Variants in NELL1 observed in about 807,000 individuals in gnomAD.
NELL1 encodes the protein protein kinase C-binding protein NELL1.
A neutral mutation model predicts 107.4 loss-of-function variants in NELL1; 76 were observed. The observed-to-expected ratio is 0.71, with a 90% CI of 0.59 to 0.86. The LOEUF is 0.86. NELL1 is among the 40% of genes least tolerant of loss of function. The probability of loss-of-function intolerance (pLI) is 0.00; values close to 1 mark genes in which losing one functional copy is unlikely to be tolerated. For missense variants in NELL1, 1,024 were observed against 1,005.5 expected, an observed-to-expected ratio of 1.02 and a Z score of -0.25; for synonymous variants, 353 against 341.2, an observed-to-expected ratio of 1.03 and a Z score of -0.38.
chr11:21,521,286 A>G (rs935947748), intron 15 of NELL1, among the ~76,000 whole-genome samples: 3 of 152,110 alleles, frequency 2.0e-5, no homozygotes, highest in East Asian at 1.9e-4. Context: ...ATTTCCAAAT[A>G]TTTGTACCTT....
intron 14 of NELL1, among the ~76,000 whole-genome samples, chr11:21,234,030 G>A (rs369081344): frequency 3.9e-5 from 6 of 152,264 alleles, no homozygotes; most frequent in East Asian, 3.9e-4. Flanking sequence ...CCAACCCAAC[G>A]GAACATTTAC....
At chr11:21,078,111 A>G (rs1854184471) in intron 12 of NELL1, among the ~76,000 whole-genome samples, 1 of 152,114 alleles carries the variant, frequency 6.6e-6, no homozygotes, top group African/African-American at 2.4e-5. Flanking sequence ...ATAGAGGAGG[A>G]TAAAAGAATG....
At chr11:21,054,587 C>T (rs973404769) in intron 12 of NELL1, among the ~76,000 whole-genome samples, 37 of 152,002 alleles carry the variant, frequency 2.4e-4, no homozygotes, top group African/African-American at 8.0e-4. Context: ...TTAGCCCTAC[C>T]GGATTGTCTT....
intron 13 of NELL1, among the ~76,000 whole-genome samples, chr11:21,134,430 G>A (rs1283073779): frequency 1.3e-5 from 2 of 152,106 alleles, no homozygotes; most frequent in Non-Finnish European, 2.9e-5. Context: ...TCTTCTCTTT[G>A]GTGTGATGGC....
At chr11:21,131,136 A>G (rs1855606493) in intron 13 of NELL1, among the ~76,000 whole-genome samples, 1 of 152,176 alleles carries the variant, frequency 6.6e-6, no homozygotes, top group South Asian at 2.1e-4. Flanking sequence ...TAGGATGTGC[A>G]TGCACACCTA....
chr11:21,045,373 C>A (rs1010629341), intron 12 of NELL1, among the ~76,000 whole-genome samples: 1 of 152,008 alleles, frequency 6.6e-6, no homozygotes, highest in African/African-American at 2.4e-5. Flanking sequence ...AACTGAGAGT[C>A]CAGGGAGACT....
intron 12 of NELL1, among the ~76,000 whole-genome samples, chr11:21,073,692 G>C (rs184348178): frequency 9.2e-5 from 14 of 152,238 alleles, no homozygotes; most frequent in Non-Finnish European, 5.9e-5. Context: ...CTTCCTGGAG[G>C]AAGTAGCATT....
At chr11:21,058,488 G>A (rs1325114091) in intron 12 of NELL1, among the ~76,000 whole-genome samples, 1 of 152,076 alleles carries the variant, frequency 6.6e-6, no homozygotes, top group African/African-American at 2.4e-5. Context: ...GTTTCACACT[G>A]TGCATTTAGA....
intron 2 of NELL1, among the ~76,000 whole-genome samples, chr11:20,740,826 A>G (rs1590249723): frequency 1.3e-5 from 2 of 151,742 alleles, no homozygotes; most frequent in African/African-American, 4.8e-5. Flanking sequence ...GTATCTTGCT[A>G]TGTTGCCTAG....
intron 9 of NELL1, 58 bp from the exon 10 acceptor site, chr11:20,937,728 C>T (rs1850756248): frequency 2.4e-6 from 3 of 1,261,234 alleles, no homozygotes; most frequent in Admixed American, 1.7e-5. Context: ...GAAGGTACCT[C>T]TGAGGTCATT....
At chr11:20,696,402 T>C (rs1854618542) in intron 2 of NELL1, among the ~76,000 whole-genome samples, 1 of 152,122 alleles carries the variant, frequency 6.6e-6, no homozygotes, top group African/African-American at 2.4e-5. Context: ...GGTGTGATGT[T>C]AGATCATTGA....
intron 4 of NELL1, among the ~76,000 whole-genome samples, chr11:20,878,800 A>G (rs1274856015): frequency 1.3e-5 from 2 of 152,222 alleles, no homozygotes. Context: ...GAATACAGTC[A>G]GGGAACTTTC....
intron 13 of NELL1, among the ~76,000 whole-genome samples, chr11:21,116,000 A>C (rs1855227045): frequency 6.6e-6 from 1 of 151,594 alleles, no homozygotes; most frequent in Non-Finnish European, 1.5e-5. Flanking sequence ...TCACAACAAA[A>C]CTTCTTAATT....
chr11:21,070,128 T>G (rs1489926083), intron 12 of NELL1, among the ~76,000 whole-genome samples: 7 of 138,328 alleles, frequency 5.1e-5, no homozygotes, highest in African/African-American at 1.8e-4. Flanking sequence ...TCCAAGGCTG[T>G]TTTTTTTTTT....
intron 16 of NELL1, among the ~76,000 whole-genome samples, chr11:21,546,562 A>G (rs1449990175): frequency 6.6e-6 from 1 of 151,972 alleles, no homozygotes; most frequent in Non-Finnish European, 1.5e-5. Flanking sequence ...CAGTCTCACA[A>G]GATCTGACGG....
At chr11:21,352,626 G>A (rs868031830) in intron 14 of NELL1, among the ~76,000 whole-genome samples, 26 of 152,084 alleles carry the variant, frequency 1.7e-4, no homozygotes, top group African/African-American at 6.0e-4. Context: ...CAAATAAATT[G>A]GGGATGGCCC....
intron 3 of NELL1, among the ~76,000 whole-genome samples, chr11:20,824,759 T>A (rs1271844857): frequency 1.3e-5 from 2 of 151,240 alleles, no homozygotes; most frequent in Non-Finnish European, 3.0e-5. Flanking sequence ...AAAGAGATAA[T>A]TTAGGATATC....
At position 21,496,827 on chromosome 11, in the gene NELL1, T is replaced by A. The variant is rs183310904; in HGVS notation, c.1646-37547T>A. Among the ~76,000 whole-genome samples, 3 of 152,250 alleles carry A rather than the reference T, an allele frequency of 2.0e-5. No homozygotes were observed. The East Asian group carries it at 5.8e-4, about 30-fold the overall frequency. Reference sequence around the variant, plus strand: ...TTAAGAAGTAAACCATTCCTGTGTCTAAGCGTTCTCATTGTTCAATTCCCA... The same window carrying A: ...TTAAGAAGTAAACCATTCCTGTGTCAAAGCGTTCTCATTGTTCAATTCCCA... On this transcript the variant is annotated intron_variant, in intron 15 of 19. Transcript: ENST00000357134.
chr11:20,727,610 A>G (rs1173481117), intron 2 of NELL1, among the ~76,000 whole-genome samples: 1 of 152,046 alleles, frequency 6.6e-6, no homozygotes, highest in Non-Finnish European at 1.5e-5. Flanking sequence ...ATTAGATCCC[A>G]TTTGTCAATT....
Sources: allele counts gnomAD v4.1 joint callset (sites outside exome capture counted in the v4.1 genomes callset), GRCh38; gene constraint gnomAD v4.1.1; transcripts MANE v1.5; gene names NCBI Gene and HGNC (gene_info 2026-07-23, HGNC 2026-07-21).